Variants in DEPTOR observed in about 807,000 individuals in gnomAD.
DEPTOR encodes the protein DEP domain containing MTOR interacting protein.
DEPTOR carries 41 observed loss-of-function variants against 41.6 expected under a neutral mutation model. That is an observed-to-expected ratio of 0.98 (90% CI 0.77 to 1.28). DEPTOR has a LOEUF of 1.28. Among genes scored for constraint, DEPTOR ranks in the 50% most tolerant of loss-of-function variants. The probability of loss-of-function intolerance (pLI) is 0.00; values close to 1 mark genes in which losing one functional copy is unlikely to be tolerated. For synonymous variants in DEPTOR, 195 were observed against 192.3 expected (o/e 1.01, Z -0.12); for missense variants, 514 against 527.9 (o/e 0.97, Z 0.26).
chr8:119,989,154 A>C (rs968418384), intron 4 of DEPTOR, among the ~76,000 whole-genome samples: 1 of 151,700 alleles, frequency 6.6e-6, no homozygotes, highest in Non-Finnish European at 1.5e-5. Context: ...ATGGTGGTGA[A>C]TATTTCTTTA....
chr8:119,983,967 T>C (rs1420020139), intron 4 of DEPTOR, among the ~76,000 whole-genome samples: 1 of 152,180 alleles, frequency 6.6e-6, no homozygotes, highest in Non-Finnish European at 1.5e-5. Flanking sequence ...CACCAGCAAG[T>C]TAATATGGTA....
chr8:119,952,056 A>G (rs1828359691), intron 3 of DEPTOR, among the ~76,000 whole-genome samples: 1 of 152,018 alleles, frequency 6.6e-6, no homozygotes, highest in Non-Finnish European at 1.5e-5. Context: ...AATTGCTTGA[A>G]CCCAGGAGGT....
At chr8:120,017,258 G>C (rs994007465) in intron 8 of DEPTOR, among the ~76,000 whole-genome samples, 1 of 152,062 alleles carries the variant, frequency 6.6e-6, no homozygotes, top group African/African-American at 2.4e-5. Flanking sequence ...GGTAGTGTTC[G>C]CCTTACTTTA....
At chr8:119,994,326 A>G (rs1393235474) in intron 4 of DEPTOR, among the ~76,000 whole-genome samples, 1 of 152,090 alleles carries the variant, frequency 6.6e-6, no homozygotes, top group African/African-American at 2.4e-5. Context: ...AAAAAAAATC[A>G]ACTTTTCTCC....
chr8:119,900,243 C>A (rs1314154612), intron 1 of DEPTOR, among the ~76,000 whole-genome samples: 1 of 147,946 alleles, frequency 6.8e-6, no homozygotes, highest in African/African-American at 2.5e-5. Flanking sequence ...TAGCTTGAAC[C>A]TGGGAGGTGG....
At chr8:120,002,791 A>AAAAAAAAAAATATAT in intron 5 of DEPTOR, among the ~76,000 whole-genome samples, 186 bp from the exon 6 acceptor site, 1 of 60,674 alleles carries the variant, frequency 1.6e-5, no homozygotes, top group African/African-American at 7.6e-5. Flanking sequence ...AAAAAAAAAA[A>AAAAAAAAAAATATAT]ATATATATAT....
intron 4 of DEPTOR, among the ~76,000 whole-genome samples, chr8:119,970,010 G>A (rs758385929): frequency 5.3e-5 from 8 of 152,174 alleles, no homozygotes; most frequent in Non-Finnish European, 5.9e-5. Flanking sequence ...GCTTACCTGT[G>A]AAATCCTAAC....
intron 3 of DEPTOR, among the ~76,000 whole-genome samples, chr8:119,964,293 G>A (rs1273520770): frequency 6.6e-6 from 1 of 152,068 alleles, no homozygotes; most frequent in African/African-American, 2.4e-5. Flanking sequence ...AAGATGGGCG[G>A]ATCACGAGGT....
At chr8:119,890,027 C>T (rs1169168266) in intron 1 of DEPTOR, among the ~76,000 whole-genome samples, 2 of 152,220 alleles carry the variant, frequency 1.3e-5, no homozygotes, top group Admixed American at 6.5e-5. Flanking sequence ...GGCAGTGGTG[C>T]AATCTTGGCT....
At chr8:119,977,952 C>A (rs1472660757) in intron 4 of DEPTOR, among the ~76,000 whole-genome samples, 4 of 152,080 alleles carry the variant, frequency 2.6e-5, no homozygotes, top group Non-Finnish European at 5.9e-5. Flanking sequence ...AACCACCATG[C>A]CCATTTGAGG....
At chr8:120,018,397 G>A (rs1214254152) in intron 8 of DEPTOR, among the ~76,000 whole-genome samples, 2 of 152,136 alleles carry the variant, frequency 1.3e-5, no homozygotes, top group African/African-American at 2.4e-5. Flanking sequence ...GGCCAACATG[G>A]CGAAACCCCA....
chr8:119,882,840 AC>A (rs1827315994), intron 1 of DEPTOR, among the ~76,000 whole-genome samples: 1 of 152,132 alleles, frequency 6.6e-6, no homozygotes, highest in South Asian at 2.1e-4. Flanking sequence ...TACTTTCTAC[AC>A]GGTAATTATA....
chr8:120,034,810 T>A (rs1344960376), intron 8 of DEPTOR, among the ~76,000 whole-genome samples: 4 of 152,196 alleles, frequency 2.6e-5, no homozygotes. Flanking sequence ...ACCTTTGTTA[T>A]GTTAATTTTG....
intron 3 of DEPTOR, among the ~76,000 whole-genome samples, chr8:119,964,610 A>G (rs1828533353): frequency 6.6e-6 from 1 of 151,978 alleles, no homozygotes; most frequent in South Asian, 2.1e-4. Context: ...AAATAATGCA[A>G]TTAGGAAAGA....
At chr8:120,018,443 G>T (rs1170150413) in intron 8 of DEPTOR, among the ~76,000 whole-genome samples, 1 of 152,164 alleles carries the variant, frequency 6.6e-6, no homozygotes, top group Non-Finnish European at 1.5e-5. Context: ...GCACGGCCTG[G>T]TAACACATGC....
At chr8:119,912,648 A>C (rs149110967) in intron 1 of DEPTOR, among the ~76,000 whole-genome samples, 23 of 152,328 alleles carry the variant, frequency 1.5e-4, no homozygotes, top group African/African-American at 5.3e-4. Context: ...TGTGAACTGA[A>C]AATAGATGAT....
Position 119,905,419 on chromosome 8 carries a change from T to A in DEPTOR, c.123-22981T>A, listed in dbSNP as rs1827649542. 2.0e-5 allele frequency among the ~76,000 whole-genome samples: 3 copies of A among 152,030 alleles called. No homozygotes were observed. In the South Asian group the frequency reaches 6.2e-4, roughly 32 times the overall value. On this transcript the variant is annotated intron_variant, in intron 1 of 8. Transcript: ENST00000286234. ...GTGAGGTTTGAAGTTTGAAGGTGTTTTTACTAGGAGTGCAGTGCAGGAAGG... is the reference window on the plus strand; with the variant it reads ...GTGAGGTTTGAAGTTTGAAGGTGTTATTACTAGGAGTGCAGTGCAGGAAGG...
intron 1 of DEPTOR, among the ~76,000 whole-genome samples, chr8:119,905,175 C>T (rs1031252928): frequency 2.0e-5 from 3 of 151,962 alleles, no homozygotes; most frequent in African/African-American, 7.3e-5. Flanking sequence ...CCCTTGATGG[C>T]AATATGAAAA....
chr8:120,028,545 CCCTTCCAGTGAATCAAGCAATTCT>C lies in DEPTOR; in HGVS notation c.1101+19416_1101+19439del, dbSNP rs560525884. ...ACGATCTCGGCTCACTGCAACCTCC[CCCTTCCAGTGAATCAAGCAATTCT>C]CCTGCCTCAGCCTCCCAAGTAGCAG... On this transcript the variant is annotated intron_variant, in intron 8 of 8. Transcript: ENST00000286234. Among the ~76,000 whole-genome samples the C allele has an allele frequency of 2.3e-3, 350 of 150,646 alleles. 1 individual carries two copies. The highest frequency in any genetic ancestry group is 8.3e-3 in the African/African-American group (341 of 41,052).
Sources: gnomAD v4.1 joint callset for allele counts (sites outside exome capture counted in the v4.1 genomes callset) on GRCh38, gnomAD v4.1.1 for gene constraint, MANE v1.5 for transcripts, NCBI Gene and HGNC (gene_info 2026-07-23, HGNC 2026-07-21) for gene names.